Variants in MYB observed in about 807,000 individuals in gnomAD.
The protein encoded by MYB is MYB proto-oncogene, transcription factor.
MYB carries 28 observed loss-of-function variants against 92.9 expected under a neutral mutation model. The ratio of observed to expected loss-of-function variants is 0.30; its 90% CI spans 0.22 to 0.41. The LOEUF (loss-of-function observed/expected upper bound fraction) is 0.41. Ranked by LOEUF, MYB falls within the 10% of genes least tolerant of loss-of-function variation. The probability of loss-of-function intolerance (pLI) is 1.00; values close to 1 mark genes in which losing one functional copy is unlikely to be tolerated. For synonymous variants in MYB, 295 were observed against 329.1 expected, an observed-to-expected ratio of 0.90 and a Z score of 1.12; for missense variants, 679 against 929.3, an observed-to-expected ratio of 0.73 and a Z score of 3.50.
At chr6:135,187,929 A>G (rs750492401) in intron 3 of MYB, 24 bp downstream of exon 3, 6 of 1,522,830 alleles carry the variant, frequency 3.9e-6, no homozygotes, top group Non-Finnish European at 5.4e-6. Context: ...TTTTTCTTAT[A>G]ACGAAAGGAA....
chr6:135,197,231 A>G lies in MYB; in HGVS notation c.1474A>G (p.Thr492Ala), dbSNP rs1777452259. 9.9e-6 allele frequency: 16 copies of G among 1,613,962 alleles called. No homozygotes were observed. Among genetic ancestry groups the G allele is most frequent in the Middle Eastern group, 1.6e-4 (1 of 6,062 alleles). Residue 492 changes from threonine to alanine, a missense_variant, in exon 10 of 16, where the codon ACT becomes GCT. By Grantham distance (58) the Thr-to-Ala change is moderately conservative. Around this residue, in one of 8 missense-constraint regions of MYB, gnomAD observed 402 missense variants for 434.2 expected, o/e 0.93. Coordinates refer to ENST00000341911, the MANE Select transcript of MYB (RefSeq NM_001130173.2). ...ACGGGGCCAGGCCAGCCCCTTAGCC[A>G]CTGGAGACTGTAGCTCCTTCATATT... The part of the protein sequence containing the change: ...KKRGQASPLA[T>A]GDCSSFIFAD...
chr6:135,203,407 T>C (rs1778417120), intron 15 of MYB, 83 bp downstream of exon 15: 4 of 1,101,924 alleles, frequency 3.6e-6, no homozygotes, highest in Admixed American at 2.0e-5. Flanking sequence ...GTGGTGGTGA[T>C]GGTAGTGCTG....
rs1228268661 is a variant in MYB, at chr6:135,194,493, A to AT, written c.948+34dup. 3 of 1,500,802 alleles carry AT rather than the reference A, an allele frequency of 2.0e-6. No individual in the cohort carries two copies. In the Admixed American group the frequency reaches 5.3e-5, roughly 26 times the overall value. 93.0% of individuals were successfully genotyped at this position (1,500,802 alleles called of 1,614,324 possible). ...TGTCATCATGTGCTTGAATGAGGGG[A>AT]TAGCAGCTTTGCCTCAGTTTACCTA... On this transcript the variant is annotated intron_variant, in intron 8 of 15. Coordinates refer to ENST00000341911, the MANE Select transcript of MYB (RefSeq NM_001130173.2).
intron 15 of MYB, among the ~76,000 whole-genome samples, chr6:135,205,398 C>G (rs1174114071): frequency 6.6e-6 from 1 of 152,132 alleles, no homozygotes; most frequent in East Asian, 1.9e-4. Context: ...CAGAAAAAGT[C>G]TGTTCTAAAT....
At chr6:135,214,949 CCTGT>C in intron 15 of MYB, among the ~76,000 whole-genome samples, 1 of 152,270 alleles carries the variant, frequency 6.6e-6, no homozygotes, top group African/African-American at 2.4e-5. Flanking sequence ...ATTCAGAATA[CCTGT>C]CTGTTATCTT....
intron 15 of MYB, among the ~76,000 whole-genome samples, chr6:135,212,354 A>G (rs1016974142): frequency 1.3e-5 from 2 of 149,930 alleles, no homozygotes; most frequent in Non-Finnish European, 3.0e-5. Flanking sequence ...TTGCTGTATG[A>G]ATATAATAAT....
intron 15 of MYB, chr6:135,203,685 A>C: frequency 1.4e-6 from 2 of 1,442,396 alleles, no homozygotes. Context: ...TTTATGTTCC[A>C]AATTTTTTAT....
intron 15 of MYB, 95 bp from the exon 16 acceptor site, chr6:135,217,769 A>T: frequency 1.2e-6 from 1 of 838,552 alleles, no homozygotes; most frequent in Non-Finnish European, 2.0e-6. Flanking sequence ...CCTGGTGTCA[A>T]CCACTTGCCA....
intron 13 of MYB, 82 bp downstream of exon 13, chr6:135,200,497 T>C (rs867352083): frequency 3.8e-6 from 6 of 1,585,324 alleles, no homozygotes; most frequent in Middle Eastern, 3.3e-4. Flanking sequence ...GTGTCTGCCA[T>C]TGGCACTGTG....
Position 135,181,448 on chromosome 6 carries a change from G to A in MYB, c.-66G>A. ...GGGGAGGGACGCAGGCAGGCGGCGGGCAGCGGGAGGCGGCAGCCCGGTGCG... is the reference window on the plus strand; with the variant it reads ...GGGGAGGGACGCAGGCAGGCGGCGGACAGCGGGAGGCGGCAGCCCGGTGCG... On this transcript the variant is annotated 5_prime_UTR_variant, in exon 1 of 16. Transcript: ENST00000341911. The surrounding 1 kb of genome is among the most constrained non-coding windows in gnomAD (Gnocchi z 5.3). The A allele has an allele frequency of 9.3e-7, 1 of 1,080,488 alleles. No homozygotes were observed. Among genetic ancestry groups the A allele is most frequent in the Non-Finnish European group, 1.1e-6 (1 of 881,866 alleles). The allele number at this position is 1,080,488 out of a possible 1,614,324, so 66.9% of individuals were successfully genotyped here. A position where few individuals can be genotyped will look rare whatever the true frequency, so the allele number is the denominator to read the frequency against.
At chr6:135,188,943 A>G (rs1349398045) in intron 3 of MYB, among the ~76,000 whole-genome samples, 1 of 152,186 alleles carries the variant, frequency 6.6e-6, no homozygotes, top group East Asian at 1.9e-4. Context: ...TTGACTTGGC[A>G]CACAGAGGCC....
At position 135,181,617 on chromosome 6, in the gene MYB, A is replaced by C. The variant is rs1046296781; in HGVS notation, c.23+81A>C. On this transcript the variant is annotated intron_variant, in intron 1 of 15. Transcript: ENST00000341911. This position sits in a 1 kb window ranked among gnomAD's most constrained non-coding sequence, Gnocchi z 5.3. ...CGCCAGGCTCCCGGGAGCAGGTGGGAATTCGTTCCGGGATCATCTGAGGGG... is the reference window on the plus strand; with the variant it reads ...CGCCAGGCTCCCGGGAGCAGGTGGGCATTCGTTCCGGGATCATCTGAGGGG... The C allele has an allele frequency of 7.9e-6, 8 of 1,010,630 alleles. No homozygotes were observed. The African/African-American group carries it at 1.0e-4, about 13-fold the overall frequency. 62.6% of individuals were successfully genotyped at this position (1,010,630 alleles called of 1,614,324 possible).
rs906815566 is a variant in MYB, at chr6:135,182,147, C to T, written c.23+611C>T. Among the ~76,000 whole-genome samples the T allele has an allele frequency of 6.6e-6, 1 of 152,224 alleles. No homozygotes were observed. The highest frequency in any genetic ancestry group is 1.5e-5 in the Non-Finnish European group (1 of 68,034). Reference sequence around the variant, plus strand: ...AAGACCTGGTTTTGGAGGTTCGAATCATTTTTCTCTGAAAGGCTTTTACTT... The same window carrying T: ...AAGACCTGGTTTTGGAGGTTCGAATTATTTTTCTCTGAAAGGCTTTTACTT... On this transcript the variant is annotated intron_variant, in intron 1 of 15. Coordinates refer to ENST00000341911, the MANE Select transcript of MYB (RefSeq NM_001130173.2). This position sits in a 1 kb window ranked among gnomAD's most constrained non-coding sequence, Gnocchi z 5.6.
At chr6:135,210,623 A>G (rs1050136829) in intron 15 of MYB, among the ~76,000 whole-genome samples, 1 of 152,228 alleles carries the variant, frequency 6.6e-6, no homozygotes, top group African/African-American at 2.4e-5. Flanking sequence ...ATAAACAAGC[A>G]TGGGGGCAAC....
intron 13 of MYB, chr6:135,200,720 T>C (rs1448615351): frequency 3.0e-6 from 1 of 332,376 alleles, no homozygotes; most frequent in Non-Finnish European, 5.8e-6. Flanking sequence ...AAAGTTGATA[T>C]TTCATTTTTA....
At chr6:135,197,372 G>A (rs1445200421) in intron 10 of MYB, 49 bp downstream of exon 10, 1 of 1,416,900 alleles carries the variant, frequency 7.1e-7, no homozygotes, top group Admixed American at 2.1e-5. Context: ...ACAGACACCT[G>A]AGCCTTAATA....
intron 9 of MYB, 61 bp from the exon 10 acceptor site, chr6:135,196,900 C>A: frequency 6.3e-7 from 1 of 1,586,664 alleles, no homozygotes; most frequent in Non-Finnish European, 8.6e-7. Flanking sequence ...TCTCTCAGTG[C>A]TGTTTCAGGT....
intron 3 of MYB, among the ~76,000 whole-genome samples, chr6:135,188,379 C>A (rs1004343870): frequency 2.6e-5 from 4 of 152,154 alleles, no homozygotes; most frequent in African/African-American, 9.6e-5. Flanking sequence ...TATAGTCAGT[C>A]CCGTCCTTTT....
chr6:135,210,117 G>A (rs1779510462), intron 15 of MYB, among the ~76,000 whole-genome samples: 1 of 152,032 alleles, frequency 6.6e-6, no homozygotes, highest in African/African-American at 2.4e-5. Context: ...CATTTCCTTT[G>A]TTTTGAAAAA....
Sources: gnomAD v4.1 joint callset for allele counts (sites outside exome capture counted in the v4.1 genomes callset) on GRCh38, gnomAD v4.1.1 for gene constraint, gnomAD v4.1.1 regional missense constraint, Gnocchi (gnomAD v3.1) non-coding constraint, MANE v1.5 for transcripts, NCBI Gene and HGNC (gene_info 2026-07-23, HGNC 2026-07-21) for gene names.